The following DOCK1 variants were observed in gnomAD, a reference collection of about 807,000 sequenced individuals.
DOCK1 encodes the protein dedicator of cytokinesis protein 1.
In DOCK1, 138 loss-of-function variants were observed where a neutral mutation model predicts 262.7. That is an observed-to-expected ratio of 0.53 (90% CI 0.46 to 0.61). The LOEUF is 0.61. DOCK1 is among the 20% of genes least tolerant of loss of function. The probability of loss-of-function intolerance (pLI) is 0.00; values close to 1 mark genes in which losing one functional copy is unlikely to be tolerated. For synonymous variants in DOCK1, 866 were observed against 867.4 expected, an observed-to-expected ratio of 1.00 and a Z score of 0.03; for missense variants, 1,908 against 2,370.7, an observed-to-expected ratio of 0.80 and a Z score of 4.05.
chr10:127,308,801 G>A (rs1393075732), intron 29 of DOCK1, among the ~76,000 whole-genome samples: 1 of 152,152 alleles, frequency 6.6e-6, no homozygotes, highest in Middle Eastern at 3.2e-3. Flanking sequence ...ATTCCGTGGT[G>A]TATATGTGCC....
chr10:127,106,013 C>A (rs911361014), intron 23 of DOCK1, among the ~76,000 whole-genome samples: 1 of 152,170 alleles, frequency 6.6e-6, no homozygotes, highest in African/African-American at 2.4e-5. Flanking sequence ...GATCTGCCTG[C>A]CTCAGCCTCC....
chr10:126,956,196 A>G (rs878981665), intron 1 of DOCK1, among the ~76,000 whole-genome samples: 118,589 of 152,198 alleles, frequency 0.78, 47,122 homozygotes, highest in Non-Finnish European at 0.86. Context: ...CCTGTGCCTC[A>G]GAAGAGCTCA....
At chr10:126,933,271 C>T (rs1156468249) in intron 1 of DOCK1, among the ~76,000 whole-genome samples, 1 of 152,164 alleles carries the variant, frequency 6.6e-6, no homozygotes, top group African/African-American at 2.4e-5. Context: ...TAGTAGATGC[C>T]TACAGCGGCA....
intron 4 of DOCK1, among the ~76,000 whole-genome samples, chr10:126,986,325 G>C (rs1451546850): frequency 1.4e-5 from 2 of 141,360 alleles, no homozygotes; most frequent in Non-Finnish European, 3.2e-5. Flanking sequence ...CCAATCGTGA[G>C]CCAGTCAGGG....
chr10:127,139,537 T>C (rs1395082163), intron 27 of DOCK1, among the ~76,000 whole-genome samples: 1 of 152,214 alleles, frequency 6.6e-6, no homozygotes, highest in Non-Finnish European at 1.5e-5. Context: ...AATTTAAGTC[T>C]TGCTAATCCA....
rs1478977215 is a variant in DOCK1 at position 126,963,640 on chromosome 10, C to CTTCCCT, written c.47-7061_47-7060insTCCCTT. Among the ~76,000 whole-genome samples the CTTCCCT allele has an allele frequency of 9.2e-5, 6 of 65,136 alleles. No individual in the cohort carries two copies. The East Asian group carries it at 7.9e-3, about 86-fold the overall frequency. The allele number at this position is 65,136 out of a possible 152,430, so 42.7% of individuals were successfully genotyped here. On this transcript the variant is annotated intron_variant, in intron 1 of 51. Transcript: ENST00000623213. ...CTTCCCTTCCCTTCCCTTCCCTTCC[C>CTTCCCT]TCCTTCCTTCCTTCCTTCCTTCCTT...
intron 29 of DOCK1, among the ~76,000 whole-genome samples, chr10:127,334,547 A>C (rs1418725498): frequency 6.6e-6 from 1 of 152,180 alleles, no homozygotes; most frequent in Non-Finnish European, 1.5e-5. Context: ...AGAAGAGATA[A>C]CATTTCTCTC....
intron 26 of DOCK1, 45 bp downstream of exon 26, chr10:127,125,646 C>T (rs2049904691): frequency 6.3e-7 from 1 of 1,594,212 alleles, no homozygotes; most frequent in African/African-American, 1.3e-5. Flanking sequence ...TTGCCTGAAC[C>T]TGCCATTTGC....
chr10:127,432,345 G>T (rs938381081), intron 47 of DOCK1, among the ~76,000 whole-genome samples: 1 of 151,878 alleles, frequency 6.6e-6, no homozygotes, highest in Non-Finnish European at 1.5e-5. Context: ...GTAATCTACC[G>T]CTTCTGGCCT....
intron 28 of DOCK1, among the ~76,000 whole-genome samples, chr10:127,248,985 T>G (rs1387310005): frequency 1.3e-5 from 2 of 152,100 alleles, no homozygotes; most frequent in Admixed American, 6.6e-5. Flanking sequence ...TGATCTGAGG[T>G]GGAACAGTTT....
chr10:127,204,539 A>C (rs2057624566), intron 27 of DOCK1, among the ~76,000 whole-genome samples: 1 of 152,060 alleles, frequency 6.6e-6, no homozygotes, highest in South Asian at 2.1e-4. Context: ...CACCTGCCTC[A>C]GTCTCCCAAA....
intron 45 of DOCK1, among the ~76,000 whole-genome samples, chr10:127,419,308 T>G (rs1396254786): frequency 6.6e-6 from 1 of 152,164 alleles, no homozygotes. Flanking sequence ...CCTTCAGGTG[T>G]AGGTCAGGCC....
At chr10:126,964,829 T>C (rs1026236012) in intron 1 of DOCK1, among the ~76,000 whole-genome samples, 4 of 152,188 alleles carry the variant, frequency 2.6e-5, no homozygotes, top group East Asian at 1.9e-4. Context: ...AAAGCTAATA[T>C]TGTGTTTCTC....
At chr10:127,205,553 G>A (rs2057678526) in intron 27 of DOCK1, among the ~76,000 whole-genome samples, 1 of 152,208 alleles carries the variant, frequency 6.6e-6, no homozygotes, top group Non-Finnish European at 1.5e-5. Flanking sequence ...GGAGGCAGGT[G>A]GCCACAGCAA....
At chr10:127,194,014 A>T (rs973094491) in intron 27 of DOCK1, among the ~76,000 whole-genome samples, 1 of 152,224 alleles carries the variant, frequency 6.6e-6, no homozygotes, top group Non-Finnish European at 1.5e-5. Flanking sequence ...CTTAATCACA[A>T]TGATAAAATA....
intron 38 of DOCK1, chr10:127,402,806 G>A (rs1463492330): frequency 8.1e-6 from 5 of 620,896 alleles, no homozygotes; most frequent in African/African-American, 7.3e-5. Flanking sequence ...ACAGACTGCT[G>A]TTACCATGGC....
At chr10:127,124,830 T>C (rs1034868936) in intron 25 of DOCK1, among the ~76,000 whole-genome samples, 1 of 152,212 alleles carries the variant, frequency 6.6e-6, no homozygotes, top group Non-Finnish European at 1.5e-5. Flanking sequence ...AAGCTGCAAT[T>C]CAAATAATTT....
intron 28 of DOCK1, among the ~76,000 whole-genome samples, chr10:127,256,989 G>T (rs1366422162): frequency 6.6e-6 from 1 of 152,166 alleles, no homozygotes; most frequent in Admixed American, 6.5e-5. Context: ...ATAAGAAAAA[G>T]CTGTAACCTG....
At chr10:127,293,772 C>A (rs1347382635) in intron 29 of DOCK1, among the ~76,000 whole-genome samples, 2 of 152,192 alleles carry the variant, frequency 1.3e-5, no homozygotes, top group East Asian at 1.9e-4. Context: ...GTTGGTGGCA[C>A]CCACTGTGTA....
Sources: allele counts gnomAD v4.1 joint callset (sites outside exome capture counted in the v4.1 genomes callset), GRCh38; gene constraint gnomAD v4.1.1; transcripts MANE v1.5; gene names NCBI Gene and HGNC (gene_info 2026-07-23, HGNC 2026-07-21).